DOCK4: variants seen among roughly 807,000 people sequenced by gnomAD.
DOCK4 encodes dedicator of cytokinesis protein 4.
In DOCK4, 97 loss-of-function variants were observed where a neutral mutation model predicts 268.1. That is an observed-to-expected ratio of 0.36 (90% CI 0.31 to 0.43). The LOEUF is 0.43. DOCK4 is among the 20% of genes least tolerant of loss of function. The pLI is 1.00. For missense variants in DOCK4, 2,145 were observed against 2,455.7 expected (o/e 0.87, Z 2.67); for synonymous variants, 954 against 887.2 (o/e 1.08, Z -1.34).
Position 112,188,744 on chromosome 7 carries a change from T to C in DOCK4, c.37+17358A>G, listed in dbSNP as rs144232355. The stretch of plus-strand genomic sequence containing the variant: ...ATTTACATGCAATACTCCAGCCTCA[T>C]TTTAAGTCAGTGGTTTTCAAACCTT... On this transcript the variant is annotated intron_variant, in intron 1 of 52. Coordinates refer to ENST00000428084, the MANE Select transcript of DOCK4 (RefSeq NM_001363540.2). 1.9e-3 allele frequency among the ~76,000 whole-genome samples: 283 copies of C among 152,350 alleles called. 1 individual carries two copies. The highest frequency in any genetic ancestry group is 6.1e-3 in the African/African-American group (255 of 41,580).
At chr7:112,147,066 C>T (rs770812044) in intron 1 of DOCK4, among the ~76,000 whole-genome samples, 15 of 151,940 alleles carry the variant, frequency 9.9e-5, no homozygotes, top group Admixed American at 1.3e-4. Flanking sequence ...TACTAGGGAA[C>T]ACTTTGTTAT....
chr7:112,083,603 C>G (rs1372606952), intron 1 of DOCK4, among the ~76,000 whole-genome samples: 1 of 151,940 alleles, frequency 6.6e-6, no homozygotes, highest in African/African-American at 2.4e-5. Context: ...TCCAAAATAG[C>G]TATGAAAACA....
At chr7:111,924,824 G>A (rs954848438) in intron 12 of DOCK4, among the ~76,000 whole-genome samples, 22 of 152,234 alleles carry the variant, frequency 1.4e-4, no homozygotes, top group African/African-American at 5.1e-4. Flanking sequence ...CATCAATAAT[G>A]GTTGTTCCAT....
At chr7:111,773,076 T>C (rs1798225428) in intron 36 of DOCK4, among the ~76,000 whole-genome samples, 1 of 151,576 alleles carries the variant, frequency 6.6e-6, no homozygotes, top group Non-Finnish European at 1.5e-5. Context: ...TGAGAAAAAC[T>C]GTGTCTAGAG....
chr7:112,102,068 C>G (rs1810750195), intron 1 of DOCK4, among the ~76,000 whole-genome samples: 1 of 152,054 alleles, frequency 6.6e-6, no homozygotes, highest in Non-Finnish European at 1.5e-5. Flanking sequence ...GAGACCTTTT[C>G]TAAGATTCAC....
At chr7:112,088,016 A>G (rs1191811290) in intron 1 of DOCK4, among the ~76,000 whole-genome samples, 1 of 152,112 alleles carries the variant, frequency 6.6e-6, no homozygotes, top group Non-Finnish European at 1.5e-5. Flanking sequence ...GGTGAAGGGG[A>G]GTAGATTTTT....
chr7:111,774,977 T>C (rs1022798101), intron 36 of DOCK4, among the ~76,000 whole-genome samples: 2 of 152,236 alleles, frequency 1.3e-5, no homozygotes, highest in African/African-American at 4.8e-5. Flanking sequence ...GGTTGTAGTT[T>C]GTTGACTCCT....
intron 1 of DOCK4, among the ~76,000 whole-genome samples, chr7:112,129,561 CTT>C (rs1413770278): frequency 6.6e-6 from 1 of 152,124 alleles, no homozygotes; most frequent in Non-Finnish European, 1.5e-5. Flanking sequence ...TATAGTCTAA[CTT>C]AACAACAATG....
chr7:111,730,047 T>A (rs1178991738), intron 52 of DOCK4, among the ~76,000 whole-genome samples: 4 of 152,220 alleles, frequency 2.6e-5, no homozygotes, highest in Non-Finnish European at 4.4e-5. Context: ...AGAAGGGCTG[T>A]CCCTTTTCAC....
In DOCK4 at chr7:111,810,795, A is replaced by G. The variant is rs1283785889; in HGVS notation, c.3006+1079T>C. 2.0e-5 allele frequency among the ~76,000 whole-genome samples: 3 copies of G among 152,190 alleles called. No homozygotes were observed. In the South Asian group the frequency reaches 6.2e-4, roughly 32 times the overall value. On this transcript the variant is annotated intron_variant, in intron 28 of 52. Coordinates refer to ENST00000428084, the MANE Select transcript of DOCK4 (RefSeq NM_001363540.2). ...GCAGATTACCTGAGGTCAGGAGTTC[A>G]AGGCCAGCCTGGCGAACATGGCAAA...
chr7:111,946,818 G>A (rs761636298), intron 8 of DOCK4, among the ~76,000 whole-genome samples: 1 of 152,224 alleles, frequency 6.6e-6, no homozygotes, highest in African/African-American at 2.4e-5. Context: ...CTGGCCTCAA[G>A]TGATCTGCCT....
chr7:112,087,575 A>G (rs574211357), intron 1 of DOCK4, among the ~76,000 whole-genome samples: 7 of 152,174 alleles, frequency 4.6e-5, no homozygotes, highest in Non-Finnish European at 8.8e-5. Flanking sequence ...AAATAATAAA[A>G]TGTCTAGGAA....
At chr7:112,072,796 C>A (rs1235673505) in intron 1 of DOCK4, among the ~76,000 whole-genome samples, 1 of 152,220 alleles carries the variant, frequency 6.6e-6, no homozygotes, top group Admixed American at 6.5e-5. Context: ...AGCAAGTGGT[C>A]TCACAAATGC....
chr7:111,934,791 G>A (rs1235318204), intron 12 of DOCK4, among the ~76,000 whole-genome samples: 1 of 150,472 alleles, frequency 6.6e-6, no homozygotes, highest in South Asian at 2.1e-4. Context: ...CGCCCGCCTC[G>A]GCCTCCCAAA....
chr7:112,111,730 G>T (rs985283867), intron 1 of DOCK4, among the ~76,000 whole-genome samples: 1 of 152,146 alleles, frequency 6.6e-6, no homozygotes, highest in African/African-American at 2.4e-5. Flanking sequence ...CAGGGGCGAG[G>T]TCCCTGTTCT....
Position 111,926,703 on chromosome 7 carries a change from T to C in DOCK4, c.1066+8837A>G, listed in dbSNP as rs572147629. On this transcript the variant is annotated intron_variant, in intron 12 of 52. Coordinates refer to ENST00000428084, the MANE Select transcript of DOCK4 (RefSeq NM_001363540.2). The stretch of plus-strand genomic sequence containing the variant: ...AATAAATAAGCCAAGCGTGGTGGTG[T>C]GCCACCTGTAGTTCCAGCTATTCAG... Among the ~76,000 whole-genome samples the C allele has an allele frequency of 1.5e-3, 218 of 148,286 alleles. 1 individual carries two copies. Among genetic ancestry groups the C allele is most frequent in the East Asian group, 3.1e-3 (15 of 4,846 alleles).
chr7:111,736,900 C>A lies in DOCK4; in HGVS notation c.5305+17G>T. ...AGCCCTTACACATTCCAGGACTGAC[C>A]ATGGGGCTGGCCTTACCTTTTTCAG... On this transcript the variant is annotated intron_variant, in intron 50 of 52. Coordinates refer to ENST00000428084, the MANE Select transcript of DOCK4 (RefSeq NM_001363540.2). The A allele has an allele frequency of 6.3e-7, 1 of 1,589,620 alleles. No individual in the cohort carries two copies. The highest frequency in any genetic ancestry group is 8.6e-7 in the Non-Finnish European group (1 of 1,167,216).
intron 1 of DOCK4, among the ~76,000 whole-genome samples, chr7:112,089,732 C>G (rs1420823957): frequency 1.3e-5 from 2 of 152,016 alleles, no homozygotes; most frequent in African/African-American, 2.4e-5. Flanking sequence ...AGCACCTCCC[C>G]CTTCTCGCTC....
chr7:111,997,800 C>T (rs894484907), intron 4 of DOCK4, among the ~76,000 whole-genome samples: 4 of 152,158 alleles, frequency 2.6e-5, no homozygotes, highest in African/African-American at 9.7e-5. Context: ...GAATGATCTG[C>T]TTATGCTAAC....
Sources: allele counts gnomAD v4.1 joint callset (sites outside exome capture counted in the v4.1 genomes callset), GRCh38; gene constraint gnomAD v4.1.1; transcripts MANE v1.5; gene names NCBI Gene and HGNC (gene_info 2026-07-23, HGNC 2026-07-21).